Variants in EIF3H observed in about 807,000 individuals in gnomAD.
The protein encoded by EIF3H is eIF-3-gamma.
EIF3H carries 26 observed loss-of-function variants against 44.2 expected under a neutral mutation model. The ratio of observed to expected loss-of-function variants is 0.59; its 90% CI spans 0.43 to 0.82. The LOEUF (loss-of-function observed/expected upper bound fraction) is 0.82, where lower values mean the gene tolerates loss of function less well. Among genes scored for constraint, EIF3H ranks in the 40% least tolerant of loss-of-function variants. The pLI, the probability that EIF3H is intolerant of heterozygous loss-of-function variation, is 0.00. For missense variants in EIF3H, 359 were observed against 432.8 expected, an observed-to-expected ratio of 0.83 and a Z score of 1.51; for synonymous variants, 166 against 151.9, an observed-to-expected ratio of 1.09 and a Z score of -0.68.
At chr8:116,678,456 C>G (rs1273001533) in intron 2 of EIF3H, among the ~76,000 whole-genome samples, 1 of 149,522 alleles carries the variant, frequency 6.7e-6, no homozygotes, top group African/African-American at 2.5e-5. Context: ...GGCCCCCCAT[C>G]GTCTGGGATA....
rs56700266 is a variant in EIF3H, at chr8:116,666,753, C to CAAA, written c.290-7776_290-7774dup. Among the ~76,000 whole-genome samples the CAAA allele has an allele frequency of 2.7e-3, 195 of 71,432 alleles. 25 individuals carry two copies. The highest frequency in any genetic ancestry group is 8.2e-3 in the African/African-American group (120 of 14,592). 46.9% of individuals were successfully genotyped at this position (71,432 alleles called of 152,430 possible). A position where few individuals can be genotyped will look rare whatever the true frequency, so the allele number is the denominator to read the frequency against. The stretch of plus-strand genomic sequence containing the variant: ...CCAAATGAGAATCTTTAGTGTTAGG[C>CAAA]AAAAAAAAAAAAAAAAAAAAAAATT... On this transcript the variant is annotated intron_variant, in intron 2 of 7. Coordinates refer to ENST00000521861, the MANE Select transcript of EIF3H (RefSeq NM_003756.3).
chr8:116,671,697 T>C (rs1813758585), intron 2 of EIF3H, among the ~76,000 whole-genome samples: 1 of 152,194 alleles, frequency 6.6e-6, no homozygotes, highest in Admixed American at 6.5e-5. Flanking sequence ...AGACTGACAG[T>C]CAGCATTCTA....
At chr8:116,736,162 G>C (rs1021075348) in intron 1 of EIF3H, among the ~76,000 whole-genome samples, 2 of 152,184 alleles carry the variant, frequency 1.3e-5, no homozygotes, top group African/African-American at 2.4e-5. Flanking sequence ...TCATTTATAT[G>C]AAATTCTAGA....
rs149658375 is a variant in EIF3H, at chr8:116,726,716, A to G, written c.133-544T>C. ...TATCCAACAACAATCTGGTTGGTAT[A>G]GTCTCCAGCATGATCTAGTTTTCCT... On this transcript the variant is annotated intron_variant, in intron 1 of 7. Coordinates refer to ENST00000521861, the MANE Select transcript of EIF3H (RefSeq NM_003756.3). Among the ~76,000 whole-genome samples, 64 of 152,300 alleles carry G rather than the reference A, an allele frequency of 4.2e-4. 1 individual carries two copies. In the East Asian group the frequency reaches 0.011, roughly 27 times the overall value.
intron 1 of EIF3H, among the ~76,000 whole-genome samples, chr8:116,751,003 G>A (rs903370729): frequency 2.0e-5 from 3 of 151,382 alleles, no homozygotes; most frequent in Non-Finnish European, 3.0e-5. Flanking sequence ...ACGAGGTCAG[G>A]AGATCGAGAC....
At chr8:116,720,015 T>A (rs1814719390) in intron 2 of EIF3H, among the ~76,000 whole-genome samples, 1 of 152,178 alleles carries the variant, frequency 6.6e-6, no homozygotes, top group South Asian at 2.1e-4. Context: ...CAATTCCTAG[T>A]TAAATGATTT....
Position 116,669,837 on chromosome 8 carries a change from A to T in EIF3H, c.290-10857T>A, listed in dbSNP as rs550052565. 2.6e-5 allele frequency among the ~76,000 whole-genome samples: 4 copies of T among 152,248 alleles called. No homozygotes were observed. In the East Asian group the frequency reaches 5.8e-4, roughly 22 times the overall value. ...CCTATGGTTTAGTTAAACCAGAAAAATAGAAGTTTTTATAACCACACACTC... is the reference window on the plus strand; with the variant it reads ...CCTATGGTTTAGTTAAACCAGAAAATTAGAAGTTTTTATAACCACACACTC... On this transcript the variant is annotated intron_variant, in intron 2 of 7. Coordinates refer to ENST00000521861, the MANE Select transcript of EIF3H (RefSeq NM_003756.3).
chr8:116,744,579 G>T (rs1563660313), intron 1 of EIF3H, among the ~76,000 whole-genome samples: 3 of 152,086 alleles, frequency 2.0e-5, no homozygotes, highest in Non-Finnish European at 4.4e-5. Flanking sequence ...ACTACACTTT[G>T]CTATTAAACC....
chr8:116,722,052 T>C (rs1193412013), intron 2 of EIF3H, among the ~76,000 whole-genome samples: 4 of 152,206 alleles, frequency 2.6e-5, no homozygotes, highest in Non-Finnish European at 2.9e-5. Flanking sequence ...GGTGGAATGA[T>C]ATGGTTTGGC....
intron 2 of EIF3H, among the ~76,000 whole-genome samples, chr8:116,685,984 C>T (rs2130852135): frequency 6.6e-6 from 1 of 152,222 alleles, no homozygotes; most frequent in South Asian, 2.1e-4. Flanking sequence ...AAAATGTTTC[C>T]ATCACCTCAC....
chr8:116,681,037 A>G (rs2130843181), intron 2 of EIF3H, among the ~76,000 whole-genome samples: 1 of 152,156 alleles, frequency 6.6e-6, no homozygotes, highest in Admixed American at 6.5e-5. Context: ...ATTCAATAAT[A>G]CAAAAATGTA....
intron 2 of EIF3H, among the ~76,000 whole-genome samples, chr8:116,720,439 G>A (rs945460711): frequency 2.6e-5 from 4 of 152,110 alleles, no homozygotes; most frequent in African/African-American, 7.2e-5. Context: ...CCCCATCCAC[G>A]TAGAACTGTG....
intron 5 of EIF3H, 34 bp downstream of exon 5, chr8:116,655,822 A>G: frequency 6.2e-7 from 1 of 1,605,076 alleles, no homozygotes; most frequent in Non-Finnish European, 8.5e-7. Context: ...AAAAGTTCTA[A>G]AACATGGGCT....
At chr8:116,700,391 A>G (rs910669637) in intron 2 of EIF3H, among the ~76,000 whole-genome samples, 10 of 152,194 alleles carry the variant, frequency 6.6e-5, no homozygotes, top group African/African-American at 9.7e-5. Context: ...TTCAAACATT[A>G]TAAGATTTTT....
chr8:116,754,756 AAGTC>A (rs1586498008), intron 1 of EIF3H, among the ~76,000 whole-genome samples: 1 of 152,374 alleles, frequency 6.6e-6, no homozygotes, highest in East Asian at 1.9e-4. Flanking sequence ...CAGTTTAACT[AAGTC>A]AGTTCAACAG....
intron 2 of EIF3H, among the ~76,000 whole-genome samples, chr8:116,674,494 A>G (rs1813814265): frequency 6.6e-6 from 1 of 152,162 alleles, no homozygotes; most frequent in African/African-American, 2.4e-5. Flanking sequence ...AACTCAACAC[A>G]ATTGTTAAAT....
At chr8:116,692,412 T>TTA (rs1563644083) in intron 2 of EIF3H, among the ~76,000 whole-genome samples, 1 of 151,874 alleles carries the variant, frequency 6.6e-6, no homozygotes, top group African/African-American at 2.4e-5. Context: ...TTGATTATAT[T>TTA]AAAAAAAAGC....
intron 2 of EIF3H, among the ~76,000 whole-genome samples, chr8:116,724,414 C>T (rs1191623517): frequency 6.6e-6 from 1 of 152,010 alleles, no homozygotes; most frequent in Non-Finnish European, 1.5e-5. Flanking sequence ...AATACAATAC[C>T]AAAAGCACAG....
intron 2 of EIF3H, among the ~76,000 whole-genome samples, chr8:116,670,736 T>C (rs996854771): frequency 2.6e-5 from 4 of 152,242 alleles, no homozygotes; most frequent in Non-Finnish European, 5.9e-5. Context: ...TTTTATCCTA[T>C]GTTAGAAATG....
Sources: gnomAD v4.1 joint callset for allele counts (sites outside exome capture counted in the v4.1 genomes callset) on GRCh38, gnomAD v4.1.1 for gene constraint, MANE v1.5 for transcripts, NCBI Gene and HGNC (gene_info 2026-07-23, HGNC 2026-07-21) for gene names.